The following AK5 variants were observed in gnomAD, a reference collection of about 807,000 sequenced individuals.
AK5 encodes the protein adenylate kinase isoenzyme 5.
A neutral mutation model predicts 69.5 loss-of-function variants in AK5; 27 were observed. The ratio of observed to expected loss-of-function variants is 0.39; its 90% CI spans 0.29 to 0.54. The LOEUF (loss-of-function observed/expected upper bound fraction) is 0.54. Among genes scored for constraint, AK5 ranks in the 20% least tolerant of loss-of-function variants. The pLI is 0.71. For missense variants in AK5, 531 were observed against 700.4 expected (o/e 0.76, Z 2.73); for synonymous variants, 260 against 244.4 (o/e 1.06, Z -0.60).
At chr1:77,434,908 T>C (rs1651867409) in intron 8 of AK5, among the ~76,000 whole-genome samples, 1 of 152,158 alleles carries the variant, frequency 6.6e-6, no homozygotes, top group African/African-American at 2.4e-5. Flanking sequence ...AGCAGAGGAA[T>C]ACATGGCTCT....
intron 13 of AK5, among the ~76,000 whole-genome samples, chr1:77,546,099 G>A (rs1050532769): frequency 5.9e-5 from 9 of 152,100 alleles, no homozygotes; most frequent in African/African-American, 1.2e-4. Flanking sequence ...GCACCCCTGC[G>A]GTCCTGCTGA....
At chr1:77,531,143 G>A (rs1292580783) in intron 12 of AK5, among the ~76,000 whole-genome samples, 1 of 152,192 alleles carries the variant, frequency 6.6e-6, no homozygotes, top group Non-Finnish European at 1.5e-5. Flanking sequence ...GTTCGGATGT[G>A]TTCGGAGTTT....
intron 9 of AK5, among the ~76,000 whole-genome samples, chr1:77,483,646 T>C (rs1039249333): frequency 1.3e-5 from 2 of 152,152 alleles, no homozygotes; most frequent in Non-Finnish European, 2.9e-5. Context: ...TGAAACATGC[T>C]TAACACCAAC....
chr1:77,307,922 TA>T (rs1406311900), intron 5 of AK5, among the ~76,000 whole-genome samples: 1 of 152,208 alleles, frequency 6.6e-6, no homozygotes, highest in Non-Finnish European at 1.5e-5. Context: ...GTTTTTTCTA[TA>T]TAGATAGTCG....
intron 11 of AK5, 78 bp downstream of exon 11, chr1:77,518,805 C>A: frequency 7.1e-7 from 1 of 1,405,828 alleles, no homozygotes; most frequent in Non-Finnish European, 9.8e-7. Context: ...TGAATCTGAG[C>A]TGCTGGAACT....
At chr1:77,362,265 G>A (rs1399704991) in intron 6 of AK5, among the ~76,000 whole-genome samples, 1 of 152,084 alleles carries the variant, frequency 6.6e-6, no homozygotes, top group African/African-American at 2.4e-5. Flanking sequence ...TGAGCACAAT[G>A]TTTTAATTTT....
chr1:77,286,454 C>T (rs1190474677), intron 1 of AK5, among the ~76,000 whole-genome samples: 1 of 151,018 alleles, frequency 6.6e-6, no homozygotes, highest in Non-Finnish European at 1.5e-5. Flanking sequence ...CTTAATGACT[C>T]CATCAGATCG....
At chr1:77,558,395 A>G (rs1245090405) in intron 13 of AK5, among the ~76,000 whole-genome samples, 1 of 150,746 alleles carries the variant, frequency 6.6e-6, no homozygotes, top group African/African-American at 2.4e-5. Flanking sequence ...GGCTATTCTA[A>G]TAGATGTGTA....
At position 77,397,541 on chromosome 1, in the gene AK5, A is replaced by AT. The variant is rs555368627; in HGVS notation, c.892-13433dup. 7.9e-5 allele frequency among the ~76,000 whole-genome samples: 12 copies of AT among 152,252 alleles called. No individual in the cohort carries two copies. The South Asian group carries it at 2.5e-3, about 32-fold the overall frequency. Reference sequence around the variant, plus strand: ...AATGATTGTCCACTAATCCAATTAAATTTTTTTAATAAACATTAAGCTTCT... The same window carrying AT: ...AATGATTGTCCACTAATCCAATTAAATTTTTTTTAATAAACATTAAGCTTCT... On this transcript the variant is annotated intron_variant, in intron 6 of 13. Coordinates refer to ENST00000354567, the MANE Select transcript of AK5 (RefSeq NM_174858.3).
intron 8 of AK5, among the ~76,000 whole-genome samples, chr1:77,434,040 G>C (rs1460533854): frequency 1.3e-5 from 2 of 150,652 alleles, no homozygotes; most frequent in African/African-American, 4.9e-5. Context: ...AGTAACCGTG[G>C]ATGACAAAAA....
intron 5 of AK5, among the ~76,000 whole-genome samples, chr1:77,302,953 T>G (rs908953963): frequency 6.6e-6 from 1 of 152,202 alleles, no homozygotes; most frequent in East Asian, 1.9e-4. Flanking sequence ...TCCTAAAATG[T>G]CTGTGCCCTT....
chr1:77,529,457 G>A (rs562888795), intron 12 of AK5, among the ~76,000 whole-genome samples: 20 of 151,552 alleles, frequency 1.3e-4, no homozygotes, highest in Admixed American at 7.9e-4. Context: ...CCTCAGCAGC[G>A]GGGATTACAG....
At chr1:77,557,775 T>G (rs1032621257) in intron 13 of AK5, among the ~76,000 whole-genome samples, 22 of 152,010 alleles carry the variant, frequency 1.4e-4, no homozygotes, top group African/African-American at 5.1e-4. Flanking sequence ...AAATAGGCAC[T>G]TATTGTTTTA....
chr1:77,283,077 C>A, intron 1 of AK5: 1 of 985,658 alleles, frequency 1.0e-6, no homozygotes, highest in Non-Finnish European at 1.2e-6. Context: ...GGGGCGGACT[C>A]CTGTTGCTCA....
chr1:77,508,932 G>A (rs554506108), intron 10 of AK5, among the ~76,000 whole-genome samples: 26 of 151,794 alleles, frequency 1.7e-4, no homozygotes, highest in African/African-American at 6.3e-4. Context: ...GAAGCACTAT[G>A]GAAGGAAAGC....
At chr1:77,326,728 G>C (rs1345597918) in intron 5 of AK5, among the ~76,000 whole-genome samples, 1 of 152,136 alleles carries the variant, frequency 6.6e-6, no homozygotes, top group African/African-American at 2.4e-5. Context: ...CCTTTGAATA[G>C]ATGCAATATG....
At chr1:77,412,808 C>T (rs926914880) in intron 7 of AK5, among the ~76,000 whole-genome samples, 1 of 152,150 alleles carries the variant, frequency 6.6e-6, no homozygotes, top group African/African-American at 2.4e-5. Context: ...ATCCAATTCT[C>T]TTTCTCTCAC....
chr1:77,412,250 G>C (rs1650093875), intron 7 of AK5, among the ~76,000 whole-genome samples: 1 of 152,150 alleles, frequency 6.6e-6, no homozygotes, highest in South Asian at 2.1e-4. Flanking sequence ...TGATGCAACT[G>C]TGCTGGTTTC....
intron 7 of AK5, among the ~76,000 whole-genome samples, chr1:77,413,973 A>G (rs886635366): frequency 5.3e-5 from 8 of 152,158 alleles, no homozygotes; most frequent in South Asian, 4.1e-4. Context: ...TGCTCTTCCT[A>G]CACATTGTAA....
Sources: allele counts gnomAD v4.1 joint callset (sites outside exome capture counted in the v4.1 genomes callset), GRCh38; gene constraint gnomAD v4.1.1; transcripts MANE v1.5; gene names NCBI Gene and HGNC (gene_info 2026-07-23, HGNC 2026-07-21).